The following SAMM50 variants were observed in gnomAD, a reference collection of about 807,000 sequenced individuals.
The protein encoded by SAMM50 is SAMM50 sorting and assembly machinery component, also known as sorting and assembly machinery component 50 homolog.
A neutral mutation model predicts 66.9 loss-of-function variants in SAMM50; 47 were observed. The ratio of observed to expected loss-of-function variants is 0.70; its 90% confidence interval spans 0.56 to 0.90. The LOEUF is 0.90. Ranked by LOEUF, SAMM50 falls within the 40% of genes least tolerant of loss-of-function variation. The pLI, the probability that SAMM50 is intolerant of heterozygous loss-of-function variation, is 0.00. For missense variants in SAMM50, 535 were observed against 595.3 expected (o/e 0.90, Z 1.05); for synonymous variants, 191 against 214.1 (o/e 0.89, Z 0.94).
At position 43,992,997 on chromosome 22, in the gene SAMM50, C is replaced by T. The variant is rs150784516; in HGVS notation, c.1364+2591C>T. Among the ~76,000 whole-genome samples the T allele has an allele frequency of 2.0e-5, 3 of 152,384 alleles. No individual in the cohort carries two copies. In the East Asian group the frequency reaches 5.8e-4, roughly 29 times the overall value. On this transcript the variant is annotated intron_variant, in intron 14 of 14. Coordinates refer to ENST00000350028, the MANE Select transcript of SAMM50 (RefSeq NM_015380.5). ...AACTCCACGCCGTTACTGTCTTCAG[C>T]AGACCAGGCTGGTTTTGCAAGTTTC... is the stretch of plus-strand genomic sequence containing the variant.
intron 14 of SAMM50, among the ~76,000 whole-genome samples, chr22:43,993,097 A>T (rs1245423017): frequency 6.6e-6 from 1 of 152,212 alleles, no homozygotes; most frequent in Non-Finnish European, 1.5e-5. Flanking sequence ...TTCTCATTTG[A>T]ATCCTTGCAG....
intron 3 of SAMM50, 33 bp downstream of exon 3, chr22:43,964,586 A>C: frequency 8.4e-7 from 1 of 1,186,432 alleles, no homozygotes; most frequent in Non-Finnish European, 1.3e-6. Context: ...GTGCTTTCCC[A>C]GTCTCTTCTG....
chr22:43,996,252 C>T (rs1257724389), intron 14 of SAMM50, 86 bp from the exon 15 acceptor site: 6 of 1,467,496 alleles, frequency 4.1e-6, no homozygotes. Context: ...GAGGCGGCAC[C>T]TTCTGAGAGG....
chr22:43,994,138 G>A (rs1298515680), intron 14 of SAMM50, among the ~76,000 whole-genome samples: 1 of 152,128 alleles, frequency 6.6e-6, no homozygotes, highest in African/African-American at 2.4e-5. Context: ...CTTCCTAGAG[G>A]ACAGACAGCC....
intron 14 of SAMM50, among the ~76,000 whole-genome samples, chr22:43,995,104 T>A (rs970437292): frequency 2.6e-5 from 4 of 152,156 alleles, no homozygotes; most frequent in Admixed American, 2.6e-4. Context: ...ATTCTGGTGT[T>A]TTAAGGCCAT....
intron 8 of SAMM50, 73 bp from the exon 9 acceptor site, chr22:43,976,677 C>T (rs1205699746): frequency 8.2e-6 from 9 of 1,101,974 alleles, no homozygotes; most frequent in East Asian, 2.4e-5. Context: ...GTGTGGCCCA[C>T]GTGCTGTGAG....
intron 1 of SAMM50, chr22:43,957,273 C>T: frequency 1.5e-6 from 1 of 655,734 alleles, no homozygotes; most frequent in Non-Finnish European, 2.8e-6. Flanking sequence ...TGATTCGTGC[C>T]AAATTCTGAA....
intron 7 of SAMM50, among the ~76,000 whole-genome samples, chr22:43,974,255 G>A (rs2050219692): frequency 6.6e-6 from 1 of 152,116 alleles, no homozygotes; most frequent in African/African-American, 2.4e-5. Flanking sequence ...GAAGCTTTAA[G>A]TGTGCTCTCC....
In SAMM50 at chr22:43,996,523, C is replaced by A; in HGVS notation, c.*140C>A. The A allele has an allele frequency of 1.2e-6, 1 of 858,462 alleles. No homozygotes were observed. The highest frequency in any genetic ancestry group is 2.0e-6 in the Non-Finnish European group (1 of 507,034). The allele number at this position is 858,462 out of a possible 1,614,324, so 53.2% of individuals were successfully genotyped here. A position where few individuals can be genotyped will look rare whatever the true frequency, so the allele number is the denominator to read the frequency against. On this transcript the variant is annotated 3_prime_UTR_variant, in exon 15 of 15. Coordinates refer to ENST00000350028, the MANE Select transcript of SAMM50 (RefSeq NM_015380.5). The stretch of plus-strand genomic sequence containing the variant: ...AAACCCCGTCAATAAATGTTAAAGA[C>A]ACACTCCGAGGCAGCGTGGATGTGG...
At chr22:43,972,764 T>G in intron 5 of SAMM50, 107 bp from the exon 6 acceptor site, 2 of 1,035,094 alleles carry the variant, frequency 1.9e-6, no homozygotes, top group Non-Finnish European at 2.9e-6. Flanking sequence ...GTTAGCATCT[T>G]CCTTCTGTTT....
At chr22:43,993,924 TG>T (rs1224415764) in intron 14 of SAMM50, among the ~76,000 whole-genome samples, 2 of 152,226 alleles carry the variant, frequency 1.3e-5, no homozygotes, top group Non-Finnish European at 2.9e-5. Context: ...GCAAGTGATT[TG>T]TGGCACCACT....
At chr22:43,994,227 C>T (rs910791875) in intron 14 of SAMM50, among the ~76,000 whole-genome samples, 6 of 152,278 alleles carry the variant, frequency 3.9e-5, no homozygotes, top group Middle Eastern at 3.4e-3. Flanking sequence ...TGTGCGCTGT[C>T]GGCGGGCACC....
At chr22:43,981,312 TG>T in intron 10 of SAMM50, 78 bp from the exon 11 acceptor site, 1 of 1,112,420 alleles carries the variant, frequency 9.0e-7, no homozygotes, top group East Asian at 2.4e-5. Flanking sequence ...ATTCAGTGTG[TG>T]GCCAGTTGCT....
rs537791689 is a variant in SAMM50 at position 43,964,572 on chromosome 22, T to G, written c.234+19T>G. The G allele has an allele frequency of 3.8e-5, 50 of 1,318,292 alleles. No individual in the cohort carries two copies. The East Asian group carries it at 7.9e-4, about 21-fold the overall frequency. 81.7% of individuals were successfully genotyped at this position (1,318,292 alleles called of 1,614,324 possible). ...AATTGAGGTAGGTGTGGTCTCTACA[T>G]GGTGTGCTTTCCCAGTCTCTTCTGA... On this transcript the variant is annotated intron_variant, in intron 3 of 14. Transcript: ENST00000350028.
intron 14 of SAMM50, 153 bp from the exon 15 acceptor site, chr22:43,996,185 G>T: frequency 1.3e-6 from 1 of 788,472 alleles, no homozygotes; most frequent in South Asian, 1.5e-5. Flanking sequence ...AGCAGCCGGG[G>T]CCGGTGAGGG....
intron 14 of SAMM50, among the ~76,000 whole-genome samples, chr22:43,992,221 T>G (rs2050328561): frequency 6.6e-6 from 1 of 152,208 alleles, no homozygotes; most frequent in Non-Finnish European, 1.5e-5. Context: ...GATGGTGCTT[T>G]GTAAAGGGGA....
chr22:43,964,176 C>A (rs6006593), intron 2 of SAMM50, among the ~76,000 whole-genome samples: 2,239 of 152,214 alleles, frequency 0.015, 64 homozygotes, highest in African/African-American at 0.051. Flanking sequence ...TTGTCTGTGG[C>A]CTGCTCGGGT....
chr22:43,972,208 T>C (rs1191116381), intron 4 of SAMM50, 28 bp from the exon 5 acceptor site: 2 of 1,411,392 alleles, frequency 1.4e-6, no homozygotes, highest in Admixed American at 4.4e-5. Flanking sequence ...ATCCTGGCTG[T>C]CTTATTGTTT....
At position 43,955,532 on chromosome 22, in the gene SAMM50, T is replaced by C. The variant is rs1399401702; in HGVS notation, c.-46T>C. On this transcript the variant is annotated 5_prime_UTR_variant, in exon 1 of 15. Coordinates refer to ENST00000350028, the MANE Select transcript of SAMM50 (RefSeq NM_015380.5). ...CTTCTGCCCTCAGCAGCAGACGCTC[T>C]GTCCCGCCCGGGCAGCTCTGCGAGG... The C allele has an allele frequency of 4.4e-6, 7 of 1,584,202 alleles. No homozygotes were observed. In the African/African-American group the frequency reaches 6.7e-5, roughly 15 times the overall value.
Sources: allele counts gnomAD v4.1 joint callset (sites outside exome capture counted in the v4.1 genomes callset), GRCh38; gene constraint gnomAD v4.1.1; transcripts MANE v1.5; gene names NCBI Gene and HGNC (gene_info 2026-07-23, HGNC 2026-07-21).